Variants in TBC1D19 observed in about 807,000 individuals in gnomAD.
The protein encoded by TBC1D19 is TBC1 domain family member 19.
A neutral mutation model predicts 89.0 loss-of-function variants in TBC1D19; 60 were observed. The observed-to-expected ratio is 0.67, with a 90% CI of 0.55 to 0.84. The LOEUF is 0.84. Among genes scored for constraint, TBC1D19 ranks in the 40% least tolerant of loss-of-function variants. The pLI, the probability that TBC1D19 is intolerant of heterozygous loss-of-function variation, is 0.00. For synonymous variants in TBC1D19, 189 were observed against 199.7 expected (o/e 0.95, Z 0.45); for missense variants, 500 against 610.8 (o/e 0.82, Z 1.91).
At chr4:26,631,141 G>T (rs1018507796) in intron 4 of TBC1D19, among the ~76,000 whole-genome samples, 1 of 152,074 alleles carries the variant, frequency 6.6e-6, no homozygotes, top group African/African-American at 2.4e-5. Flanking sequence ...TGGGACAGAG[G>T]ATAGACATGG....
the TBC1D19 span, among the ~76,000 whole-genome samples, chr4:26,842,941 G>A: frequency 6.6e-6 from 1 of 152,138 alleles, no homozygotes; most frequent in East Asian, 1.9e-4. Flanking sequence ...GAAAAAGGAA[G>A]AATTAAGTCT....
At chr4:26,815,727 A>C in the TBC1D19 span, among the ~76,000 whole-genome samples, 2 of 152,368 alleles carry the variant, frequency 1.3e-5, no homozygotes, top group East Asian at 1.9e-4. Flanking sequence ...GGCTAATTAC[A>C]GTAATTGTAT....
chr4:26,728,927 A>C (rs1430126200), intron 15 of TBC1D19, among the ~76,000 whole-genome samples: 4 of 152,208 alleles, frequency 2.6e-5, no homozygotes, highest in Non-Finnish European at 4.4e-5. Context: ...AGGCAGGAGA[A>C]TGGCCTGAAC....
intron 1 of TBC1D19, among the ~76,000 whole-genome samples, chr4:26,584,531 AT>A (rs1412195462): frequency 6.6e-6 from 1 of 152,176 alleles, no homozygotes; most frequent in Non-Finnish European, 1.5e-5. Flanking sequence ...TGGTTAATAG[AT>A]TTTTAAAGAA....
At chr4:26,776,359 A>G in the TBC1D19 span, among the ~76,000 whole-genome samples, 3 of 152,178 alleles carry the variant, frequency 2.0e-5, no homozygotes, top group African/African-American at 7.2e-5. Flanking sequence ...ATAATCATTC[A>G]TTTGCTTTAT....
At chr4:26,591,421 C>CA (rs1739797346) in intron 1 of TBC1D19, among the ~76,000 whole-genome samples, 1 of 152,066 alleles carries the variant, frequency 6.6e-6, no homozygotes, top group African/African-American at 2.4e-5. Context: ...AGCAGAAACT[C>CA]AGTTATATGT....
rs551086408 is a variant in TBC1D19, at chr4:26,712,948, C to A, written c.955-4985C>A. 1.4e-3 allele frequency among the ~76,000 whole-genome samples: 212 copies of A among 152,090 alleles called. 1 individual carries two copies. The highest frequency in any genetic ancestry group is 6.6e-3 in the South Asian group (32 of 4,824). On this transcript the variant is annotated intron_variant, in intron 13 of 20. Coordinates refer to ENST00000264866, the MANE Select transcript of TBC1D19 (RefSeq NM_018317.4). The stretch of plus-strand genomic sequence containing the variant: ...CAACAGGAGTTTTCACAGGAAAAAA[C>A]CATATCCAAACTGGTAGCACACAAA...
chr4:26,582,647 C>T (rs1364488967), upstream of TBC1D19, among the ~76,000 whole-genome samples: 1 of 152,204 alleles, frequency 6.6e-6, no homozygotes, highest in Non-Finnish European at 1.5e-5. Flanking sequence ...ATCTACTTAT[C>T]TGCAGCTTTG....
At chr4:26,831,250 A>G in the TBC1D19 span, among the ~76,000 whole-genome samples, 1 of 152,240 alleles carries the variant, frequency 6.6e-6, no homozygotes, top group East Asian at 1.9e-4. Context: ...TTCAAAAATA[A>G]GGAGGCCTGG....
the TBC1D19 span, chr4:26,858,715 T>C: frequency 6.6e-6 from 1 of 152,286 alleles, no homozygotes; most frequent in Non-Finnish European, 1.5e-5. Flanking sequence ...GTGGCAAAGA[T>C]GATCTGCGGT....
the TBC1D19 span, among the ~76,000 whole-genome samples, chr4:26,857,252 G>A: frequency 1.4e-3 from 208 of 152,272 alleles, no homozygotes; most frequent in African/African-American, 4.8e-3. Flanking sequence ...TCAGCACCTC[G>A]AGTCCCTTGT....
intron 11 of TBC1D19, among the ~76,000 whole-genome samples, chr4:26,674,094 T>C (rs1217400151): frequency 6.6e-6 from 1 of 152,162 alleles, no homozygotes; most frequent in East Asian, 1.9e-4. Context: ...GTTTTTGTTA[T>C]TAATAATTAA....
At chr4:26,713,538 A>T (rs1374906363) in intron 13 of TBC1D19, among the ~76,000 whole-genome samples, 1 of 152,100 alleles carries the variant, frequency 6.6e-6, no homozygotes. Flanking sequence ...AATAAATAAC[A>T]GAAAGGACAC....
chr4:26,629,102 C>T (rs1041987564), intron 4 of TBC1D19, among the ~76,000 whole-genome samples: 1 of 152,052 alleles, frequency 6.6e-6, no homozygotes, highest in Non-Finnish European at 1.5e-5. Flanking sequence ...TCATACTTGA[C>T]CTCTTCCACT....
the TBC1D19 span, among the ~76,000 whole-genome samples, chr4:26,854,000 C>G: frequency 6.6e-6 from 1 of 152,150 alleles, no homozygotes; most frequent in Admixed American, 6.5e-5. Context: ...ATTCTTCTTC[C>G]TCATTGCAAA....
At chr4:26,704,372 G>A (rs1417154170) in intron 13 of TBC1D19, among the ~76,000 whole-genome samples, 2 of 152,156 alleles carry the variant, frequency 1.3e-5, no homozygotes, top group Non-Finnish European at 2.9e-5. Context: ...TTCATATATA[G>A]TAAAAGGGAA....
the TBC1D19 span, among the ~76,000 whole-genome samples, chr4:26,850,040 G>A: frequency 1.3e-5 from 2 of 152,058 alleles, no homozygotes; most frequent in African/African-American, 2.4e-5. Flanking sequence ...TAAACCTCAA[G>A]ACAGTCTTGA....
chr4:26,609,740 G>T (rs1741243857), intron 1 of TBC1D19, among the ~76,000 whole-genome samples: 1 of 152,124 alleles, frequency 6.6e-6, no homozygotes, highest in African/African-American at 2.4e-5. Flanking sequence ...GCCACAGCTG[G>T]GAAAGACTTA....
intron 7 of TBC1D19, among the ~76,000 whole-genome samples, chr4:26,646,803 G>A (rs1342016655): frequency 6.6e-6 from 1 of 152,124 alleles, no homozygotes. Context: ...GGGGAATGGG[G>A]GAGGGATAGC....
Sources: allele counts gnomAD v4.1 joint callset (sites outside exome capture counted in the v4.1 genomes callset), GRCh38; gene constraint gnomAD v4.1.1; transcripts MANE v1.5; gene names NCBI Gene and HGNC (gene_info 2026-07-23, HGNC 2026-07-21).